The following SPTLC2 variants were observed in gnomAD, a reference collection of about 807,000 sequenced individuals.
SPTLC2 encodes serine palmitoyltransferase long chain base subunit 2, also known as serine palmitoyltransferase 2.
SPTLC2 carries 21 observed loss-of-function variants against 62.0 expected under a neutral mutation model. That is an observed-to-expected ratio of 0.34 (90% CI 0.24 to 0.49). The LOEUF (loss-of-function observed/expected upper bound fraction) is 0.49. SPTLC2 is among the 20% of genes least tolerant of loss of function. The probability of loss-of-function intolerance (pLI) is 0.99; values close to 1 mark genes in which losing one functional copy is unlikely to be tolerated. For missense variants in SPTLC2, 511 were observed against 713.0 expected, an observed-to-expected ratio of 0.72 and a Z score of 3.23; for synonymous variants, 261 against 261.8, an observed-to-expected ratio of 1.00 and a Z score of 0.03.
chr14:77,535,999 C>T (rs558667601), intron 9 of SPTLC2: 6 of 451,654 alleles, frequency 1.3e-5, no homozygotes, highest in African/African-American at 1.2e-4. Flanking sequence ...AATAGTGATG[C>T]CATTACCTGA....
chr14:77,546,636 A>G (rs2079529519), intron 9 of SPTLC2, among the ~76,000 whole-genome samples: 1 of 152,180 alleles, frequency 6.6e-6, no homozygotes, highest in African/African-American at 2.4e-5. Context: ...TTCAAAGGCA[A>G]AGATCACCTA....
intron 1 of SPTLC2, among the ~76,000 whole-genome samples, chr14:77,605,887 A>G (rs1306654081): frequency 6.6e-6 from 1 of 152,198 alleles, no homozygotes; most frequent in Non-Finnish European, 1.5e-5. Flanking sequence ...GGGATACTAC[A>G]CCGAACTGAA....
intron 4 of SPTLC2, among the ~76,000 whole-genome samples, chr14:77,575,008 G>GAACACCCTGGGC (rs1295503921): frequency 6.6e-6 from 1 of 152,158 alleles, no homozygotes; most frequent in East Asian, 1.9e-4. Context: ...AGGATTTCAA[G>GAACACCCTGGGC]AACACCCTGG....
chr14:77,515,943 G>A (rs1015804919), intron 11 of SPTLC2, among the ~76,000 whole-genome samples: 1 of 152,026 alleles, frequency 6.6e-6, no homozygotes, highest in Non-Finnish European at 1.5e-5. Flanking sequence ...TTTGTGTGCT[G>A]ATCTTTTACC....
chr14:77,534,588 T>TACACACACACACACACAC (rs1555373993), intron 9 of SPTLC2, among the ~76,000 whole-genome samples: 24,121 of 140,850 alleles, frequency 0.17, 2,194 homozygotes, highest in Middle Eastern at 0.23. Context: ...CATATTTCAG[T>TACACACACACACACACAC]ACACACACAC....
chr14:77,541,581 T>C (rs7156954), intron 9 of SPTLC2, among the ~76,000 whole-genome samples: 5 of 152,334 alleles, frequency 3.3e-5, no homozygotes, highest in Non-Finnish European at 7.3e-5. Flanking sequence ...TTTTCTTTTT[T>C]AAAAAAGAAG....
chr14:77,572,439 G>A (rs539690145), intron 4 of SPTLC2, among the ~76,000 whole-genome samples: 4 of 152,242 alleles, frequency 2.6e-5, no homozygotes, highest in Non-Finnish European at 5.9e-5. Flanking sequence ...ATATTTTGAC[G>A]TCCTCATTCC....
At chr14:77,593,967 A>T (rs754907942) in intron 2 of SPTLC2, among the ~76,000 whole-genome samples, 1 of 152,196 alleles carries the variant, frequency 6.6e-6, no homozygotes, top group Non-Finnish European at 1.5e-5. Flanking sequence ...AAAATGGCAG[A>T]AGTTGGCTGT....
intron 2 of SPTLC2, among the ~76,000 whole-genome samples, chr14:77,588,619 G>A (rs1256539386): frequency 1.3e-5 from 2 of 151,508 alleles, no homozygotes; most frequent in Non-Finnish European, 2.9e-5. Context: ...TCACTGGAGC[G>A]TGGGAGGCAA....
intron 2 of SPTLC2, among the ~76,000 whole-genome samples, chr14:77,584,219 G>C (rs79762343): frequency 0.049 from 7,425 of 152,246 alleles, 607 homozygotes; most frequent in African/African-American, 0.17. Context: ...ACCACCTATT[G>C]TAGCACCTAT....
chr14:77,558,623 TTTG>T (rs2140023388), intron 6 of SPTLC2, among the ~76,000 whole-genome samples: 1 of 103,916 alleles, frequency 9.6e-6, no homozygotes, highest in African/African-American at 3.0e-5. Context: ...CTCCAGTTTT[TTTG>T]TTTTTTTTTT....
intron 9 of SPTLC2, among the ~76,000 whole-genome samples, chr14:77,527,576 C>G (rs916711998): frequency 6.6e-6 from 1 of 152,146 alleles, no homozygotes; most frequent in African/African-American, 2.4e-5. Flanking sequence ...AATATTTTAT[C>G]AAGTCTTAAT....
intron 9 of SPTLC2, among the ~76,000 whole-genome samples, chr14:77,523,489 G>A (rs1032997087): frequency 1.3e-5 from 2 of 152,134 alleles, no homozygotes; most frequent in Non-Finnish European, 2.9e-5. Context: ...GGTGGGGTGC[G>A]ATGAGAGAGC....
intron 9 of SPTLC2, among the ~76,000 whole-genome samples, chr14:77,532,732 C>A (rs143652803): frequency 1.3e-5 from 2 of 151,446 alleles, no homozygotes; most frequent in Non-Finnish European, 2.9e-5. Flanking sequence ...TGCAGTGAGC[C>A]GAGATAGTGC....
intron 4 of SPTLC2, among the ~76,000 whole-genome samples, chr14:77,575,863 G>A (rs1353769557): frequency 6.6e-6 from 1 of 152,148 alleles, no homozygotes; most frequent in Non-Finnish European, 1.5e-5. Flanking sequence ...GCTTGCTCTA[G>A]AGGCCTGCAG....
At chr14:77,599,288 G>A (rs928329947) in intron 1 of SPTLC2, among the ~76,000 whole-genome samples, 18 of 152,258 alleles carry the variant, frequency 1.2e-4, no homozygotes, top group African/African-American at 2.6e-4. Context: ...GGGGCATATC[G>A]TCAATTAAGC....
rs533551082 is a variant in SPTLC2, at chr14:77,561,598, G to A, written c.850+798C>T. Reference sequence around the variant, plus strand: ...TGCACTCCAGCCTGGGTGACAGAGCGAGACTCTAGCCTCAAAAAAAAAAAA... The same window carrying A: ...TGCACTCCAGCCTGGGTGACAGAGCAAGACTCTAGCCTCAAAAAAAAAAAA... On this transcript the variant is annotated intron_variant, in intron 6 of 11. Transcript: ENST00000216484. Among the ~76,000 whole-genome samples, 17 of 148,788 alleles carry A rather than the reference G, an allele frequency of 1.1e-4. 1 individual carries two copies. The South Asian group carries it at 2.3e-3, about 20-fold the overall frequency.
chr14:77,572,912 T>C (rs556920092), intron 4 of SPTLC2, among the ~76,000 whole-genome samples: 362 of 152,374 alleles, frequency 2.4e-3, no homozygotes, highest in Non-Finnish European at 3.8e-3. Context: ...TTTAAGGGAA[T>C]GTTGTGGCTG....
At position 77,530,332 on chromosome 14, in the gene SPTLC2, T is replaced by C. The variant is rs961652134; in HGVS notation, c.1304-8751A>G. 8.6e-5 allele frequency among the ~76,000 whole-genome samples: 13 copies of C among 152,030 alleles called. 1 individual carries two copies. In the South Asian group the frequency reaches 2.7e-3, roughly 32 times the overall value. On this transcript the variant is annotated intron_variant, in intron 9 of 11. Coordinates refer to ENST00000216484, the MANE Select transcript of SPTLC2 (RefSeq NM_004863.4). ...GATCTTTTTTAAAAAAAAAAAATAT[T>C]TATTTATTTATTTTGAGATGGAGTC...
Sources: allele counts gnomAD v4.1 joint callset (sites outside exome capture counted in the v4.1 genomes callset), GRCh38; gene constraint gnomAD v4.1.1; transcripts MANE v1.5; gene names NCBI Gene and HGNC (gene_info 2026-07-23, HGNC 2026-07-21).